Variants in TESK2 observed in about 807,000 individuals in gnomAD.
TESK2 encodes dual specificity testis-specific protein kinase 2.
TESK2 carries 39 observed loss-of-function variants against 57.1 expected under a neutral mutation model. The observed-to-expected ratio is 0.68, with a 90% CI of 0.53 to 0.89. TESK2 has a LOEUF of 0.89. Ranked by LOEUF, TESK2 falls within the 40% of genes least tolerant of loss-of-function variation. TESK2 has a pLI of 0.00. For synonymous variants in TESK2, 249 were observed against 267.9 expected (o/e 0.93, Z 0.69); for missense variants, 646 against 732.1 (o/e 0.88, Z 1.36).
intron 2 of TESK2, among the ~76,000 whole-genome samples, chr1:45,423,295 C>T (rs1162546880): frequency 2.6e-5 from 4 of 152,174 alleles, no homozygotes; most frequent in African/African-American, 7.2e-5. Flanking sequence ...CAGTGGCTCA[C>T]GCCTGTAATC....
In TESK2 at chr1:45,425,063, A is replaced by T. The variant is rs180766282; in HGVS notation, c.223-3217T>A. Among the ~76,000 whole-genome samples, 85 of 152,350 alleles carry T rather than the reference A, an allele frequency of 5.6e-4. No homozygotes were observed. The East Asian group carries it at 0.013, about 23-fold the overall frequency. ...TAGTACTGGACACCCTAGCTAGAGC[A>T]ATCAGACAAGAGAAAGAAATAAAGG... On this transcript the variant is annotated intron_variant, in intron 2 of 10. Coordinates refer to ENST00000372086, the MANE Select transcript of TESK2 (RefSeq NM_007170.3).
At chr1:45,374,008 G>T (rs1648308108) in intron 4 of TESK2, among the ~76,000 whole-genome samples, 1 of 152,184 alleles carries the variant, frequency 6.6e-6, no homozygotes, top group South Asian at 2.1e-4. Flanking sequence ...AACTCAAAAA[G>T]AACTCTGTGA....
intron 4 of TESK2, among the ~76,000 whole-genome samples, chr1:45,369,003 C>T (rs1648067941): frequency 6.6e-6 from 1 of 151,814 alleles, no homozygotes; most frequent in Non-Finnish European, 1.5e-5. Context: ...GATCCACCTG[C>T]CTCGGCCTCC....
At chr1:45,389,909 G>T (rs1649066834) in intron 3 of TESK2, among the ~76,000 whole-genome samples, 1 of 151,982 alleles carries the variant, frequency 6.6e-6, no homozygotes, top group Non-Finnish European at 1.5e-5. Flanking sequence ...CCTTTACATG[G>T]CTATGAGAGT....
intron 2 of TESK2, among the ~76,000 whole-genome samples, chr1:45,449,777 T>C (rs955340953): frequency 4.6e-5 from 7 of 152,246 alleles, no homozygotes; most frequent in African/African-American, 1.4e-4. Flanking sequence ...CAGTTTTTTA[T>C]GCTTAACTCA....
At chr1:45,465,383 C>A (rs1652501271) in intron 1 of TESK2, among the ~76,000 whole-genome samples, 1 of 146,950 alleles carries the variant, frequency 6.8e-6, no homozygotes, top group Admixed American at 6.9e-5. Context: ...TGTACTCCAG[C>A]CTGGGTGACA....
intron 3 of TESK2, among the ~76,000 whole-genome samples, chr1:45,405,710 C>A (rs1369337995): frequency 6.6e-6 from 1 of 150,720 alleles, no homozygotes; most frequent in African/African-American, 2.4e-5. Context: ...TATATACACA[C>A]ACACACAAAA....
intron 2 of TESK2, among the ~76,000 whole-genome samples, chr1:45,450,395 C>T (rs1434765752): frequency 6.6e-6 from 1 of 152,006 alleles, no homozygotes; most frequent in African/African-American, 2.4e-5. Flanking sequence ...GCCTGAAATC[C>T]CAGCTACTTG....
chr1:45,481,246 TC>T (rs1294005273), intron 1 of TESK2, among the ~76,000 whole-genome samples: 1 of 151,780 alleles, frequency 6.6e-6, no homozygotes, highest in Non-Finnish European at 1.5e-5. Flanking sequence ...GCGCCTGTAG[TC>T]CCAGCTACTC....
At chr1:45,432,007 A>G (rs1171435655) in intron 2 of TESK2, among the ~76,000 whole-genome samples, 1 of 152,066 alleles carries the variant, frequency 6.6e-6, no homozygotes, top group Non-Finnish European at 1.5e-5. Context: ...GCACTCTGGG[A>G]GGCTGAGACA....
At chr1:45,453,881 A>G (rs1015393939) in intron 2 of TESK2, among the ~76,000 whole-genome samples, 2 of 152,200 alleles carry the variant, frequency 1.3e-5, no homozygotes, top group Non-Finnish European at 2.9e-5. Flanking sequence ...TTTCTCCAAG[A>G]AGATATACAA....
chr1:45,415,157 A>C, intron 3 of TESK2: 1 of 1,518,044 alleles, frequency 6.6e-7, no homozygotes, highest in South Asian at 1.1e-5. Flanking sequence ...GAGAGAAAGG[A>C]TTTGGTTATA....
At chr1:45,432,088 A>C (rs1650989087) in intron 2 of TESK2, among the ~76,000 whole-genome samples, 2 of 151,912 alleles carry the variant, frequency 1.3e-5, no homozygotes, top group Non-Finnish European at 2.9e-5. Flanking sequence ...TCTACAAAAA[A>C]TACAAAAAAC....
intron 4 of TESK2, among the ~76,000 whole-genome samples, chr1:45,381,282 T>C (rs1050451260): frequency 1.3e-5 from 2 of 152,186 alleles, no homozygotes; most frequent in African/African-American, 4.8e-5. Flanking sequence ...AGGTTCCAAT[T>C]CTTCGCCTTC....
At chr1:45,430,703 T>C (rs1159305542) in intron 2 of TESK2, among the ~76,000 whole-genome samples, 1 of 152,152 alleles carries the variant, frequency 6.6e-6, no homozygotes, top group Non-Finnish European at 1.5e-5. Context: ...GGCTGACAAG[T>C]CACTGGCAAG....
chr1:45,349,040 C>T (rs1416611560), intron 5 of TESK2, among the ~76,000 whole-genome samples: 1 of 151,992 alleles, frequency 6.6e-6, no homozygotes, highest in Admixed American at 6.6e-5. Flanking sequence ...ACCCCACCCG[C>T]TTCCTTCAGA....
intron 4 of TESK2, among the ~76,000 whole-genome samples, chr1:45,374,299 C>T (rs1490656943): frequency 2.0e-5 from 3 of 152,142 alleles, no homozygotes; most frequent in Non-Finnish European, 4.4e-5. Context: ...CAGTTACTGA[C>T]AATTCAGCAG....
chr1:45,347,409 T>TA (rs1553141638), intron 7 of TESK2, among the ~76,000 whole-genome samples, 200 bp downstream of exon 7: 1 of 151,876 alleles, frequency 6.6e-6, no homozygotes, highest in Non-Finnish European at 1.5e-5. Flanking sequence ...CTACTAAAAA[T>TA]AAAAAAATTA....
intron 5 of TESK2, among the ~76,000 whole-genome samples, chr1:45,353,623 G>C (rs575954528): frequency 6.6e-6 from 1 of 152,246 alleles, no homozygotes; most frequent in Non-Finnish European, 1.5e-5. Context: ...TTGAGGGTGG[G>C]GAATGAAGTG....
Sources: allele counts gnomAD v4.1 joint callset (sites outside exome capture counted in the v4.1 genomes callset), GRCh38; gene constraint gnomAD v4.1.1; transcripts MANE v1.5; gene names NCBI Gene and HGNC (gene_info 2026-07-23, HGNC 2026-07-21).